The following ATP11A variants were observed in gnomAD, a reference collection of about 807,000 sequenced individuals.
ATP11A encodes the protein ATPase phospholipid transporting 11A.
ATP11A carries 81 observed loss-of-function variants against 154.4 expected under a neutral mutation model. The observed-to-expected ratio is 0.52, with a 90% CI of 0.44 to 0.63. The LOEUF is 0.63. Ranked by LOEUF, ATP11A falls within the 30% of genes least tolerant of loss-of-function variation. The pLI is 0.00. For missense variants in ATP11A, 1,316 were observed against 1,474.3 expected, an observed-to-expected ratio of 0.89 and a Z score of 1.76; for synonymous variants, 623 against 585.9, an observed-to-expected ratio of 1.06 and a Z score of -0.91.
chr13:112,778,534 G>A (rs1052478460), intron 1 of ATP11A, among the ~76,000 whole-genome samples: 4 of 152,284 alleles, frequency 2.6e-5, no homozygotes, highest in African/African-American at 9.6e-5. Flanking sequence ...AGGAGTTCAA[G>A]GCTACGGTGC....
intron 29 of ATP11A, chr13:112,881,078 C>T: frequency 1.0e-6 from 1 of 987,498 alleles, no homozygotes; most frequent in Non-Finnish European, 1.2e-6. Context: ...CCAGCCGGAG[C>T]ACATAGCTTG....
chr13:112,787,167 T>C (rs1478702781), intron 2 of ATP11A, among the ~76,000 whole-genome samples: 20 of 140,446 alleles, frequency 1.4e-4, no homozygotes, highest in Non-Finnish European at 2.9e-4. Context: ...GGTGTCCTGA[T>C]GCGTAGACCC....
At chr13:112,710,782 AATC>A (rs72035866) in intron 1 of ATP11A, among the ~76,000 whole-genome samples, 7,528 of 152,278 alleles carry the variant, frequency 0.049, 663 homozygotes, top group African/African-American at 0.17. Context: ...TCATTTTAAA[AATC>A]ATAACAGGGC....
intron 1 of ATP11A, among the ~76,000 whole-genome samples, chr13:112,784,616 G>A (rs1477887668): frequency 2.7e-5 from 4 of 150,708 alleles, no homozygotes; most frequent in South Asian, 2.1e-4. Flanking sequence ...TCCACCTCCC[G>A]GGTTCACGCC....
At chr13:112,881,203 C>T (rs759697384) in intron 29 of ATP11A, 158 of 989,392 alleles carry the variant, frequency 1.6e-4, no homozygotes, top group Non-Finnish European at 1.4e-4. Context: ...CAGACAGATG[C>T]GTGCTGCCGG....
At chr13:112,862,729 G>A (rs1296830658) in intron 25 of ATP11A, among the ~76,000 whole-genome samples, 154 bp downstream of exon 25, 1 of 149,524 alleles carries the variant, frequency 6.7e-6, no homozygotes, top group Non-Finnish European at 1.5e-5. Flanking sequence ...TGCAGGCCAC[G>A]CAGCTTCCCA....
chr13:112,781,123 C>A (rs555004282), intron 1 of ATP11A, among the ~76,000 whole-genome samples: 5 of 152,258 alleles, frequency 3.3e-5, no homozygotes, highest in Non-Finnish European at 7.4e-5. Context: ...ACTGCAACCT[C>A]CACCTCCGGG....
chr13:112,788,007 C>T (rs942413903), intron 2 of ATP11A, among the ~76,000 whole-genome samples: 8 of 150,510 alleles, frequency 5.3e-5, no homozygotes, highest in African/African-American at 1.7e-4. Flanking sequence ...TGTGTAGACC[C>T]CTGTGGAGAC....
intron 20 of ATP11A, chr13:112,856,470 C>T (rs1027212832): frequency 1.3e-5 from 2 of 157,916 alleles, no homozygotes; most frequent in Admixed American, 6.4e-5. Flanking sequence ...TGCATTTAGT[C>T]TCAAAATAAC....
At chr13:112,756,510 C>T (rs2076837278) in intron 1 of ATP11A, among the ~76,000 whole-genome samples, 1 of 152,190 alleles carries the variant, frequency 6.6e-6, no homozygotes, top group Admixed American at 6.5e-5. Flanking sequence ...CTCTTGGTAA[C>T]AGGGTCCCTG....
Position 112,697,179 on chromosome 13 carries a change from C to T in ATP11A, c.39+6724C>T, listed in dbSNP as rs1273300296. On this transcript the variant is annotated intron_variant, in intron 1 of 29. Coordinates refer to ENST00000375645, the MANE Select transcript of ATP11A (RefSeq NM_015205.3). This position sits in a 1 kb window ranked among gnomAD's most constrained non-coding sequence, Gnocchi z 4.0. ...TTCCTGTGGCGTCCTGCGGGCTGGC[C>T]GCCCCTCGGTGGGCTCCGGTGCTGG... Among the ~76,000 whole-genome samples, 1 of 152,170 alleles carries T rather than the reference C, an allele frequency of 6.6e-6. No individual in the cohort carries two copies. Among genetic ancestry groups the T allele is most frequent in the African/African-American group, 2.4e-5 (1 of 41,444 alleles).
At position 112,865,992 on chromosome 13, in the gene ATP11A, C is replaced by T. The variant is rs79205870; in HGVS notation, c.2991+3417C>T. Reference sequence around the variant, plus strand: ...ACGTTGAGCCCGTGTTAGATTTCCCCGAGTACCATACTTAGTCGTCTTCCT... The same window carrying T: ...ACGTTGAGCCCGTGTTAGATTTCCCTGAGTACCATACTTAGTCGTCTTCCT... On this transcript the variant is annotated intron_variant, in intron 25 of 29. Transcript: ENST00000375645. 9.9e-3 allele frequency among the ~76,000 whole-genome samples: 1,505 copies of T among 152,326 alleles called. 24 individuals are homozygous for T. Among genetic ancestry groups the T allele is most frequent in the African/African-American group, 0.034 (1,400 of 41,576 alleles).
chr13:112,696,330 G>A lies in ATP11A; in HGVS notation c.39+5875G>A, dbSNP rs1366010922. 2.6e-5 allele frequency among the ~76,000 whole-genome samples: 4 copies of A among 152,154 alleles called. No individual in the cohort carries two copies. The highest frequency in any genetic ancestry group is 6.5e-5 in the Admixed American group (1 of 15,284). On this transcript the variant is annotated intron_variant, in intron 1 of 29. Transcript: ENST00000375645. This position sits in a 1 kb window ranked among gnomAD's most constrained non-coding sequence, Gnocchi z 6.2. ...ACCTTCTCCCCGCACTCCTCTTCAC[G>A]TGGAGAGTGGGTGACCTTGCCCTGC...
intron 16 of ATP11A, among the ~76,000 whole-genome samples, chr13:112,841,705 T>G (rs2079425641): frequency 6.6e-6 from 1 of 152,274 alleles, no homozygotes; most frequent in South Asian, 2.1e-4. Flanking sequence ...GCCTTTGCTG[T>G]ATGCTGCAGT....
intron 25 of ATP11A, among the ~76,000 whole-genome samples, chr13:112,865,386 T>C (rs78618641): frequency 1.0e-4 from 11 of 104,838 alleles, no homozygotes; most frequent in African/African-American, 2.9e-4. Context: ...ATGCAGCTTC[T>C]CAGCGGGGTC....
At position 112,871,889 on chromosome 13, in the gene ATP11A, A is replaced by T. The variant is rs2080533916; in HGVS notation, c.3057+89A>T. 1.1e-5 allele frequency: 15 copies of T among 1,360,998 alleles called. No individual in the cohort carries two copies. The South Asian group carries it at 1.7e-4, about 15-fold the overall frequency. The allele number at this position is 1,360,998 out of a possible 1,614,324, so 84.3% of individuals were successfully genotyped here. ...CGCGCTCTGAGCTCTCTGAATTATA[A>T]CTCTGTACTGAGGCTGGAAGCCACT... On this transcript the variant is annotated intron_variant, in intron 26 of 29. Coordinates refer to ENST00000375645, the MANE Select transcript of ATP11A (RefSeq NM_015205.3).
chr13:112,722,497 G>C (rs1889316528), intron 1 of ATP11A, among the ~76,000 whole-genome samples: 1 of 152,166 alleles, frequency 6.6e-6, no homozygotes. Context: ...ATGTTTCTCA[G>C]TGGACTTCAG....
At chr13:112,735,556 A>G (rs1012432275) in intron 1 of ATP11A, among the ~76,000 whole-genome samples, 1 of 152,246 alleles carries the variant, frequency 6.6e-6, no homozygotes, top group East Asian at 1.9e-4. Flanking sequence ...AGTGAACACA[A>G]AATCTGAAGC....
At chr13:112,826,064 C>CTGAGCCTATAGCA (rs2078926141) in intron 11 of ATP11A, among the ~76,000 whole-genome samples, 1 of 152,216 alleles carries the variant, frequency 6.6e-6, no homozygotes, top group South Asian at 2.1e-4. Context: ...CCCATATCCA[C>CTGAGCCTATAGCA]TGAGCCTATA....
Sources: gnomAD v4.1 joint callset for allele counts (sites outside exome capture counted in the v4.1 genomes callset) on GRCh38, gnomAD v4.1.1 for gene constraint, Gnocchi (gnomAD v3.1) non-coding constraint, MANE v1.5 for transcripts, NCBI Gene and HGNC (gene_info 2026-07-23, HGNC 2026-07-21) for gene names.